NAB1: variants seen among roughly 807,000 people sequenced by gnomAD.
NAB1 encodes NGFI-A-binding protein 1.
In NAB1, 25 loss-of-function variants were observed where a neutral mutation model predicts 49.9. The observed-to-expected ratio is 0.50, with a 90% CI of 0.37 to 0.70. NAB1 has a LOEUF of 0.70. NAB1 is among the 30% of genes least tolerant of loss of function. The probability of loss-of-function intolerance (pLI) is 0.00; values close to 1 mark genes in which losing one functional copy is unlikely to be tolerated. For missense variants in NAB1, 489 were observed against 575.9 expected (o/e 0.85, Z 1.54); for synonymous variants, 198 against 215.6 (o/e 0.92, Z 0.71).
Position 190,659,967 on chromosome 2 carries a change from A to C in NAB1, c.791A>C (p.Lys264Thr), listed in dbSNP as rs560393395. Reference protein sequence around the residue: ...AIYGRFDSKRKDGKHLTLHEL... With the variant: ...AIYGRFDSKRTDGKHLTLHEL... ...TATGGCAGATTTGACTCAAAGAGGA[A>C]GGATGGGAAACATCTCACACTTCAT... is the stretch of plus-strand genomic sequence containing the variant. Residue 264 changes from lysine (K) to threonine (T), a missense_variant, in exon 4 of 10, where the codon AAG becomes ACG. Physicochemically the swap from Lys to Thr is moderately conservative, Grantham distance 78 (BLOSUM62 -1). Transcript: ENST00000337386. This position sits in a 1 kb window ranked among gnomAD's most constrained non-coding sequence, Gnocchi z 6.2. 1 of 1,613,478 alleles carries C rather than the reference A, an allele frequency of 6.2e-7. No homozygotes were observed. Among genetic ancestry groups the C allele is most frequent in the East Asian group, 2.2e-5 (1 of 44,884 alleles).
intron 4 of NAB1, among the ~76,000 whole-genome samples, chr2:190,661,987 A>G (rs893083473): frequency 1.3e-5 from 2 of 152,092 alleles, no homozygotes; most frequent in African/African-American, 4.8e-5. Flanking sequence ...AGAATTTTGT[A>G]TTTTTTCTCC....
At position 190,667,081 on chromosome 2, in the gene NAB1, G is replaced by C. The variant is rs1232725474; in HGVS notation, c.820-3245G>C. Among the ~76,000 whole-genome samples the C allele has an allele frequency of 2.2e-4, 34 of 152,208 alleles. No individual in the cohort carries two copies. Among genetic ancestry groups the C allele is most frequent in the Non-Finnish European group, 5.0e-4 (34 of 68,044 alleles). On this transcript the variant is annotated intron_variant, in intron 4 of 9. Transcript: ENST00000337386. The surrounding 1 kb of genome is among the most constrained non-coding windows in gnomAD (Gnocchi z 4.4). The stretch of plus-strand genomic sequence containing the variant: ...GCTTTTTATTACAACTTGGGGGTGA[G>C]CTAGAGTTACTTCTCCAGCCTCAGT...
rs1245190903 is a variant in NAB1 at position 190,652,100 on chromosome 2, TAATG to T, written c.-197+2119_-197+2122del. The stretch of plus-strand genomic sequence containing the variant: ...AGTAGAATATACTCCTTAAACTTAA[TAATG>T]GAGCAAGTGGGAAATTTGACAAGTT... On this transcript the variant is annotated intron_variant, in intron 2 of 9. Transcript: ENST00000337386. The surrounding 1 kb of genome is among the most constrained non-coding windows in gnomAD (Gnocchi z 4.2). Among the ~76,000 whole-genome samples the T allele has an allele frequency of 6.6e-6, 1 of 152,198 alleles. No homozygotes were observed. The highest frequency in any genetic ancestry group is 1.5e-5 in the Non-Finnish European group (1 of 68,026).
intron 7 of NAB1, 90 bp downstream of exon 7, chr2:190,683,917 T>C (rs1036200757): frequency 2.0e-6 from 2 of 999,610 alleles, no homozygotes; most frequent in African/African-American, 3.3e-5. Context: ...TTTAAGTATC[T>C]GAGGCCTGAC....
intron 9 of NAB1, among the ~76,000 whole-genome samples, chr2:190,688,313 A>G (rs1695722644): frequency 6.6e-6 from 1 of 152,212 alleles, no homozygotes; most frequent in South Asian, 2.1e-4. Context: ...ACTAGAAAAA[A>G]AGTGTTATCA....
rs1457453026 is a variant in NAB1, at chr2:190,674,430, G to A, written c.1005+1278G>A. On this transcript the variant is annotated intron_variant, in intron 6 of 9. Coordinates refer to ENST00000337386, the MANE Select transcript of NAB1 (RefSeq NM_005966.4). This position sits in a 1 kb window ranked among gnomAD's most constrained non-coding sequence, Gnocchi z 5.7. Reference sequence around the variant, plus strand: ...TGACTTCCCTGCCTCCCTTTCTAAAGGGGCACCCTCTCCCCAAAATCACAC... The same window carrying A: ...TGACTTCCCTGCCTCCCTTTCTAAAAGGGCACCCTCTCCCCAAAATCACAC... Among the ~76,000 whole-genome samples, 1 of 152,114 alleles carries A rather than the reference G, an allele frequency of 6.6e-6. No individual in the cohort carries two copies. The highest frequency in any genetic ancestry group is 1.5e-5 in the Non-Finnish European group (1 of 68,014).
rs1329808773 is a variant in NAB1 at position 190,674,497 on chromosome 2, T to C, written c.1005+1345T>C. Among the ~76,000 whole-genome samples the C allele has an allele frequency of 6.6e-6, 1 of 152,206 alleles. No homozygotes were observed. The highest frequency in any genetic ancestry group is 2.4e-5 in the African/African-American group (1 of 41,446). Reference sequence around the variant, plus strand: ...GGTTTGTTTTCATAGCATTCGCCAGTATTTGAAACTGTTAGTTACTTGTTT... The same window carrying C: ...GGTTTGTTTTCATAGCATTCGCCAGCATTTGAAACTGTTAGTTACTTGTTT... On this transcript the variant is annotated intron_variant, in intron 6 of 9. Coordinates refer to ENST00000337386, the MANE Select transcript of NAB1 (RefSeq NM_005966.4). The surrounding 1 kb of genome is among the most constrained non-coding windows in gnomAD (Gnocchi z 5.7).
At chr2:190,681,591 A>G (rs1423918750) in intron 6 of NAB1, among the ~76,000 whole-genome samples, 3 of 152,352 alleles carry the variant, frequency 2.0e-5, no homozygotes, top group Admixed American at 6.5e-5. Flanking sequence ...GCTATTTTCA[A>G]CACTTCAAAA....
At position 190,671,171 on chromosome 2, in the gene NAB1, T is replaced by C. The variant is rs144253879; in HGVS notation, c.953+712T>C. On this transcript the variant is annotated intron_variant, in intron 5 of 9. Transcript: ENST00000337386. Reference sequence around the variant, plus strand: ...TGTTTCTCTGGATGCAGATGACCACTGCATTAGAGTAACTCTAAGTTTTTG... The same window carrying C: ...TGTTTCTCTGGATGCAGATGACCACCGCATTAGAGTAACTCTAAGTTTTTG... 1.4e-4 allele frequency among the ~76,000 whole-genome samples: 21 copies of C among 152,338 alleles called. 1 individual carries two copies. In the East Asian group the frequency reaches 4.1e-3, roughly 29 times the overall value.
chr2:190,663,190 T>C lies in NAB1; in HGVS notation c.819+3195T>C, dbSNP rs370618931. Among the ~76,000 whole-genome samples the C allele has an allele frequency of 4.1e-4, 62 of 152,358 alleles. No individual in the cohort carries two copies. Among genetic ancestry groups the C allele is most frequent in the Non-Finnish European group, 6.9e-4 (47 of 68,032 alleles). On this transcript the variant is annotated intron_variant, in intron 4 of 9. Coordinates refer to ENST00000337386, the MANE Select transcript of NAB1 (RefSeq NM_005966.4). This position sits in a 1 kb window ranked among gnomAD's most constrained non-coding sequence, Gnocchi z 4.2. ...AAATGAATTATGGTAGTCTATTTCT[T>C]GAGTCAATTTTGGTAAGTTACATTT...
At chr2:190,681,626 A>G (rs965788032) in intron 6 of NAB1, among the ~76,000 whole-genome samples, 4 of 152,246 alleles carry the variant, frequency 2.6e-5, no homozygotes, top group Admixed American at 2.6e-4. Context: ...CTGGCCCATG[A>G]TAAAGCTACA....
In NAB1 at chr2:190,690,503, C is replaced by G. The variant is rs1251773832; in HGVS notation, c.*170C>G. ...TGTGGAAACCAGGAAGATAAAACAA[C>G]AGCCACAAAAGAGAAAATCAAGAGT... is the stretch of plus-strand genomic sequence containing the variant. On this transcript the variant is annotated 3_prime_UTR_variant, in exon 10 of 10. Coordinates refer to ENST00000337386, the MANE Select transcript of NAB1 (RefSeq NM_005966.4). 12 of 540,382 alleles carry G rather than the reference C, an allele frequency of 2.2e-5. No individual in the cohort carries two copies. The highest frequency in any genetic ancestry group is 1.9e-5 in the African/African-American group (1 of 53,324). 33.5% of individuals were successfully genotyped at this position (540,382 alleles called of 1,614,324 possible). A position where few individuals can be genotyped will look rare whatever the true frequency, so the allele number is the denominator to read the frequency against.
intron 5 of NAB1, among the ~76,000 whole-genome samples, chr2:190,672,395 ATAG>A (rs1694856763): frequency 6.6e-6 from 1 of 152,216 alleles, no homozygotes; most frequent in African/African-American, 2.4e-5. Flanking sequence ...AATTAATTTC[ATAG>A]TGGTACATGA....
rs1694736200 is a variant in NAB1, at chr2:190,670,279, T to C, written c.820-47T>C. ...TTAAGTGAAACCTTTTGCATTTTGA[T>C]GAAATTAAAATGTTCTTAATTTTGA... On this transcript the variant is annotated intron_variant, in intron 4 of 9. Coordinates refer to ENST00000337386, the MANE Select transcript of NAB1 (RefSeq NM_005966.4). The surrounding 1 kb of genome is among the most constrained non-coding windows in gnomAD (Gnocchi z 5.3). The C allele has an allele frequency of 1.3e-6, 2 of 1,546,966 alleles. No individual in the cohort carries two copies. The highest frequency in any genetic ancestry group is 1.7e-4 in the Middle Eastern group (1 of 5,794).
At chr2:190,665,376 A>G (rs899112111) in intron 4 of NAB1, among the ~76,000 whole-genome samples, 67 of 152,012 alleles carry the variant, frequency 4.4e-4, no homozygotes, top group African/African-American at 1.6e-3. Context: ...TACTTTTAAA[A>G]TCTTGTTTCT....
chr2:190,658,279 A>T (rs1033567253), intron 3 of NAB1, among the ~76,000 whole-genome samples: 5 of 152,106 alleles, frequency 3.3e-5, no homozygotes, highest in African/African-American at 1.2e-4. Flanking sequence ...TTTTGCATGC[A>T]GGGCCATTCT....
rs776768442 is a variant in NAB1 at position 190,679,652 on chromosome 2, G to A, written c.1006-4086G>A. 3.3e-5 allele frequency among the ~76,000 whole-genome samples: 5 copies of A among 152,124 alleles called. No homozygotes were observed. Among genetic ancestry groups the A allele is most frequent in the Non-Finnish European group, 7.4e-5 (5 of 68,026 alleles). ...ACTTCCAGTGGGCAGATACACAGGT[G>A]GTGTAATCCTAATTTAAAAATTTGG... On this transcript the variant is annotated intron_variant, in intron 6 of 9. Transcript: ENST00000337386. This position sits in a 1 kb window ranked among gnomAD's most constrained non-coding sequence, Gnocchi z 5.3.
chr2:190,688,486 T>A (rs1695732224), intron 9 of NAB1, among the ~76,000 whole-genome samples: 2 of 152,168 alleles, frequency 1.3e-5, no homozygotes, highest in Non-Finnish European at 1.5e-5. Context: ...ATTGAAATTA[T>A]CCTAAAAAGA....
At chr2:190,662,657 GGA>G (rs1694286567) in intron 4 of NAB1, among the ~76,000 whole-genome samples, 1 of 152,172 alleles carries the variant, frequency 6.6e-6, no homozygotes, top group Non-Finnish European at 1.5e-5. Context: ...ATCAGTGAAT[GGA>G]TGAGGAGAGA....
Sources: gnomAD v4.1 joint callset for allele counts (sites outside exome capture counted in the v4.1 genomes callset) on GRCh38, gnomAD v4.1.1 for gene constraint, Gnocchi (gnomAD v3.1) non-coding constraint, MANE v1.5 for transcripts, NCBI Gene and HGNC (gene_info 2026-07-23, HGNC 2026-07-21) for gene names.